Variants in PAM observed in about 807,000 individuals in gnomAD.
PAM encodes peptidylglycine alpha-amidating monooxygenase.
In PAM, 72 loss-of-function variants were observed where a neutral mutation model predicts 122.1. That is an observed-to-expected ratio of 0.59 (90% confidence interval 0.49 to 0.72). The LOEUF is 0.72. Ranked by LOEUF, PAM falls within the 30% of genes least tolerant of loss-of-function variation. PAM has a pLI of 0.00. For synonymous variants in PAM, 389 were observed against 404.4 expected, an observed-to-expected ratio of 0.96 and a Z score of 0.46; for missense variants, 1,106 against 1,183.7, an observed-to-expected ratio of 0.93 and a Z score of 0.96.
In PAM at chr5:102,828,388, A is replaced by T. The variant is rs553006102; in HGVS notation, c.-373-37435A>T. ...TATATTCATATCCTATTCTTCTTGG[A>T]TATACTATATTGACTATACATTTAC... On this transcript the variant is annotated intron_variant, in intron 1 of 25. Transcript: ENST00000438793. Among the ~76,000 whole-genome samples, 152 of 151,874 alleles carry T rather than the reference A, an allele frequency of 1.0e-3. 1 individual carries two copies. Among genetic ancestry groups the T allele is most frequent in the African/African-American group, 3.4e-3 (142 of 41,428 alleles).
chr5:102,928,156 C>T (rs553028175), intron 7 of PAM, among the ~76,000 whole-genome samples: 4 of 152,242 alleles, frequency 2.6e-5, no homozygotes, highest in South Asian at 2.1e-4. Flanking sequence ...CGCAGGTTCC[C>T]GCAAACCCTA....
At chr5:102,912,383 T>C (rs540939496) in intron 4 of PAM, among the ~76,000 whole-genome samples, 88 of 151,976 alleles carry the variant, frequency 5.8e-4, no homozygotes, top group African/African-American at 2.1e-3. Context: ...TAAAAATGAA[T>C]ATAAGATTAA....
chr5:102,852,515 T>C (rs1420956660), intron 1 of PAM, among the ~76,000 whole-genome samples: 2 of 152,098 alleles, frequency 1.3e-5, no homozygotes, highest in South Asian at 2.1e-4. Flanking sequence ...ATTAGAAGTA[T>C]GTTGTTTGCT....
intron 15 of PAM, among the ~76,000 whole-genome samples, chr5:102,988,581 A>G (rs1421327728): frequency 2.6e-5 from 4 of 151,710 alleles, no homozygotes; most frequent in Non-Finnish European, 5.9e-5. Context: ...GATGCTTCAG[A>G]AAAAAAAGAA....
chr5:102,881,196 G>T (rs1354893182), intron 3 of PAM, among the ~76,000 whole-genome samples: 2 of 149,826 alleles, frequency 1.3e-5, no homozygotes, highest in South Asian at 2.1e-4. Flanking sequence ...CAAAAACACT[G>T]AGAAAAACAC....
At chr5:102,931,777 CT>C (rs1263513846) in intron 7 of PAM, among the ~76,000 whole-genome samples, 1 of 151,676 alleles carries the variant, frequency 6.6e-6, no homozygotes, top group Admixed American at 6.6e-5. Context: ...TATGGGAAAA[CT>C]AGCAGATATT....
intron 15 of PAM, chr5:102,990,010 G>C (rs1773550120): frequency 3.9e-6 from 1 of 256,536 alleles, no homozygotes. Flanking sequence ...ACCCTTTAAT[G>C]ACTTGGGTTA....
At chr5:102,802,118 C>T (rs1489976657) in intron 1 of PAM, among the ~76,000 whole-genome samples, 3 of 152,004 alleles carry the variant, frequency 2.0e-5, no homozygotes, top group Admixed American at 6.5e-5. Context: ...AATTGAGAGA[C>T]GAAAATGGGA....
intron 1 of PAM, among the ~76,000 whole-genome samples, chr5:102,792,861 G>A (rs1340035242): frequency 3.9e-5 from 6 of 152,130 alleles, no homozygotes. Context: ...TGTGCTTTCT[G>A]CAGCCACACA....
At chr5:102,768,878 G>A (rs906415747) in intron 1 of PAM, among the ~76,000 whole-genome samples, 1 of 152,098 alleles carries the variant, frequency 6.6e-6, no homozygotes. Context: ...CCAAAGAAAG[G>A]ACATTACTGA....
chr5:102,879,203 A>T (rs899566411), intron 3 of PAM, among the ~76,000 whole-genome samples: 2 of 152,138 alleles, frequency 1.3e-5, no homozygotes, highest in Non-Finnish European at 2.9e-5. Context: ...GTGCTGGGAG[A>T]TTACAGGCGT....
chr5:102,886,517 T>C (rs1793155726), intron 3 of PAM, among the ~76,000 whole-genome samples: 1 of 151,980 alleles, frequency 6.6e-6, no homozygotes, highest in African/African-American at 2.4e-5. Flanking sequence ...TTTACATTCA[T>C]TTTTCAGTAT....
chr5:102,862,085 G>A (rs1784337674), intron 1 of PAM, among the ~76,000 whole-genome samples: 1 of 151,340 alleles, frequency 6.6e-6, no homozygotes, highest in South Asian at 2.1e-4. Flanking sequence ...CAGGAGGACT[G>A]CTTGAGTCTG....
rs1793173669 is a variant in PAM at position 102,886,577 on chromosome 5, A to G, written c.211-14779A>G. Among the ~76,000 whole-genome samples the G allele has an allele frequency of 2.6e-5, 4 of 151,928 alleles. No homozygotes were observed. The South Asian group carries it at 8.3e-4, about 31-fold the overall frequency. ...ACAGAATACGTATTCTTTCTCTGTA[A>G]ACCTACCTGACCCTCTCACAGTGAT... On this transcript the variant is annotated intron_variant, in intron 3 of 25. Transcript: ENST00000438793.
At chr5:102,919,142 T>G (rs1025452036) in intron 5 of PAM, among the ~76,000 whole-genome samples, 1 of 152,126 alleles carries the variant, frequency 6.6e-6, no homozygotes, top group Non-Finnish European at 1.5e-5. Context: ...CTTATGAAGC[T>G]TTAGCTTAAA....
intron 1 of PAM, among the ~76,000 whole-genome samples, chr5:102,806,983 A>G (rs1766405489): frequency 6.6e-6 from 1 of 152,248 alleles, no homozygotes; most frequent in South Asian, 2.1e-4. Context: ...AGCTTCATCT[A>G]AATTGAAATA....
intron 16 of PAM, among the ~76,000 whole-genome samples, chr5:102,995,094 G>A (rs1582688731): frequency 3.9e-5 from 6 of 152,004 alleles, no homozygotes; most frequent in South Asian, 2.1e-4. Context: ...GATTTGCTTC[G>A]CTAGTTTTCT....
chr5:102,784,199 C>T (rs1277797754), intron 1 of PAM, among the ~76,000 whole-genome samples: 1 of 152,104 alleles, frequency 6.6e-6, no homozygotes, highest in Non-Finnish European at 1.5e-5. Context: ...GGCTGATCTA[C>T]CCCCATCTTT....
chr5:102,940,460 T>C (rs887779688), intron 7 of PAM, among the ~76,000 whole-genome samples: 1 of 147,828 alleles, frequency 6.8e-6, no homozygotes, highest in Non-Finnish European at 1.5e-5. Context: ...ATATATTTTA[T>C]ATCTATAATG....
Sources: allele counts gnomAD v4.1 joint callset (sites outside exome capture counted in the v4.1 genomes callset), GRCh38; gene constraint gnomAD v4.1.1; transcripts MANE v1.5; gene names NCBI Gene and HGNC (gene_info 2026-07-23, HGNC 2026-07-21).